GLIS3: variants seen among roughly 807,000 people sequenced by gnomAD.
The protein encoded by GLIS3 is zinc finger protein GLIS3.
Under a neutral mutation model 78.6 loss-of-function variants are expected in GLIS3, and 53 were observed. The observed-to-expected ratio is 0.67, with a 90% confidence interval of 0.54 to 0.85. The LOEUF is 0.85. Ranked by LOEUF, GLIS3 falls within the 40% of genes least tolerant of loss-of-function variation. The probability of loss-of-function intolerance (pLI) is 0.00; values close to 1 mark genes in which losing one functional copy is unlikely to be tolerated. For missense variants in GLIS3, 1,703 were observed against 1,231.1 expected, an observed-to-expected ratio of 1.38 and a Z score of -5.74; for synonymous variants, 684 against 509.9, an observed-to-expected ratio of 1.34 and a Z score of -4.60.
intron 2 of GLIS3, among the ~76,000 whole-genome samples, chr9:4,166,094 C>A (rs763782274): frequency 6.6e-6 from 1 of 152,224 alleles, no homozygotes; most frequent in Non-Finnish European, 1.5e-5. Context: ...TGGAACTTCT[C>A]TGCACCTCAA....
At chr9:4,236,066 C>A (rs1239120551) in intron 2 of GLIS3, among the ~76,000 whole-genome samples, 1 of 151,210 alleles carries the variant, frequency 6.6e-6, no homozygotes, top group African/African-American at 2.4e-5. Context: ...GTAAAACAAG[C>A]CTTTGTTGAC....
At chr9:4,162,835 C>T (rs991764581) in intron 2 of GLIS3, among the ~76,000 whole-genome samples, 7 of 127,728 alleles carry the variant, frequency 5.5e-5, no homozygotes, top group African/African-American at 9.3e-5. Context: ...CCAGCCCGGG[C>T]GACAGAGTCT....
intron 6 of GLIS3, among the ~76,000 whole-genome samples, chr9:3,909,027 C>T (rs1823943444): frequency 6.6e-6 from 1 of 152,142 alleles, no homozygotes; most frequent in African/African-American, 2.4e-5. Context: ...ATCTGGGCCA[C>T]GCATGTTTAT....
In GLIS3 at chr9:4,133,874, A is replaced by ACACACACCCC. The variant is rs768664577; in HGVS notation, c.389-7934_389-7933insGGGGTGTGTG. On this transcript the variant is annotated intron_variant, in intron 2 of 10. Coordinates refer to ENST00000381971, the MANE Select transcript of GLIS3 (RefSeq NM_001042413.2). ...CACACACACACACACACACACACAC[A>ACACACACCCC]CCGTACATCTGTCCTCGCCTGAACG... 1.0e-3 allele frequency among the ~76,000 whole-genome samples: 124 copies of ACACACACCCC among 123,986 alleles called. 1 individual carries two copies. The highest frequency in any genetic ancestry group is 3.9e-3 in the Middle Eastern group (1 of 258). 81.3% of individuals were successfully genotyped at this position (123,986 alleles called of 152,430 possible).
chr9:4,477,603 A>C, the GLIS3 span, among the ~76,000 whole-genome samples: 1 of 152,008 alleles, frequency 6.6e-6, no homozygotes, highest in Non-Finnish European at 1.5e-5. Context: ...TTGTAGAGAT[A>C]AGGTCTCCCT....
At chr9:4,355,008 C>T in the GLIS3 span, among the ~76,000 whole-genome samples, 37 of 151,752 alleles carry the variant, frequency 2.4e-4, no homozygotes, top group African/African-American at 8.5e-4. Flanking sequence ...CCCAGGTACT[C>T]GGGAGGCTGA....
intron 2 of GLIS3, among the ~76,000 whole-genome samples, chr9:4,283,387 T>A (rs1282292427): frequency 1.3e-5 from 2 of 151,540 alleles, no homozygotes; most frequent in African/African-American, 4.8e-5. Context: ...TGCCTCAGCC[T>A]CCCGAGTAGC....
At chr9:3,984,988 G>A (rs1448023874) in intron 4 of GLIS3, among the ~76,000 whole-genome samples, 1 of 151,884 alleles carries the variant, frequency 6.6e-6, no homozygotes, top group African/African-American at 2.4e-5. Flanking sequence ...GGCCTCCCCA[G>A]CCATGTGGAA....
intron 1 of GLIS3, among the ~76,000 whole-genome samples, chr9:4,296,787 A>T (rs1320554003): frequency 6.6e-6 from 1 of 151,930 alleles, no homozygotes; most frequent in Admixed American, 6.6e-5. Flanking sequence ...TGTCCCCTAC[A>T]CTTCCTTTCA....
chr9:4,239,065 A>G (rs1032843645), intron 2 of GLIS3, among the ~76,000 whole-genome samples: 1 of 150,152 alleles, frequency 6.7e-6, no homozygotes, highest in East Asian at 2.0e-4. Context: ...TATGTGCCAC[A>G]CTTTCTTAAT....
the GLIS3 span, among the ~76,000 whole-genome samples, chr9:4,473,460 CA>C: frequency 4.1e-4 from 54 of 131,316 alleles, 2 homozygotes; most frequent in Non-Finnish European, 7.4e-4. Context: ...ACAACAACAA[CA>C]AAAAAAAAGG....
chr9:3,992,459 T>G (rs993936056), intron 4 of GLIS3, among the ~76,000 whole-genome samples: 13 of 152,198 alleles, frequency 8.5e-5, no homozygotes, highest in African/African-American at 3.1e-4. Flanking sequence ...TTTCCCTTCC[T>G]CCTCATGCAT....
chr9:4,116,541 C>T (rs900409961), intron 4 of GLIS3, among the ~76,000 whole-genome samples: 25 of 152,264 alleles, frequency 1.6e-4, no homozygotes, highest in African/African-American at 4.8e-4. Context: ...AAATACCTAC[C>T]GGGCAGTGAA....
chr9:4,347,692 T>C (rs1268450010), intron 1 of GLIS3, among the ~76,000 whole-genome samples: 3 of 152,034 alleles, frequency 2.0e-5, no homozygotes, highest in South Asian at 4.1e-4. Flanking sequence ...AAACCTCACA[T>C]GGTAGCTTTT....
At chr9:3,920,147 G>C (rs200336094) in intron 6 of GLIS3, among the ~76,000 whole-genome samples, 2 of 151,880 alleles carry the variant, frequency 1.3e-5, no homozygotes, top group East Asian at 3.9e-4. Context: ...GGGACTACAG[G>C]CGCCCGCCAC....
At chr9:4,407,374 G>C in the GLIS3 span, among the ~76,000 whole-genome samples, 2 of 152,228 alleles carry the variant, frequency 1.3e-5, no homozygotes, top group East Asian at 1.9e-4. Flanking sequence ...GACCGGGCAA[G>C]GTGGCTCACA....
In GLIS3 at chr9:3,879,641, C is replaced by T. The variant is rs780225063; in HGVS notation, c.2129-46G>A. 8.1e-6 allele frequency: 13 copies of T among 1,605,996 alleles called. 1 individual carries two copies. The highest frequency in any genetic ancestry group is 3.3e-5 in the South Asian group (3 of 90,272). Reference sequence around the variant, plus strand: ...ACATGAGACCGTGCCCCAAAGGAAGCCCACGTTTTTTAAATACCGAAGCCT... The same window carrying T: ...ACATGAGACCGTGCCCCAAAGGAAGTCCACGTTTTTTAAATACCGAAGCCT... On this transcript the variant is annotated intron_variant, in intron 7 of 10. Coordinates refer to ENST00000381971, the MANE Select transcript of GLIS3 (RefSeq NM_001042413.2).
chr9:4,329,493 A>C (rs1020559779), intron 2 of GLIS3, among the ~76,000 whole-genome samples: 1 of 152,170 alleles, frequency 6.6e-6, no homozygotes, highest in Non-Finnish European at 1.5e-5. Context: ...CTGGGGGCCT[A>C]TAATAAGACC....
intron 2 of GLIS3, among the ~76,000 whole-genome samples, chr9:4,195,799 A>G (rs1054575605): frequency 1.3e-5 from 2 of 152,196 alleles, no homozygotes; most frequent in Non-Finnish European, 2.9e-5. Context: ...GGATGCACCA[A>G]CAGGCACTCT....
Sources: gnomAD v4.1 joint callset for allele counts (sites outside exome capture counted in the v4.1 genomes callset) on GRCh38, gnomAD v4.1.1 for gene constraint, MANE v1.5 for transcripts, NCBI Gene and HGNC (gene_info 2026-07-23, HGNC 2026-07-21) for gene names.